Variants in MXRA7 observed in about 807,000 individuals in gnomAD.
MXRA7 encodes matrix-remodeling-associated protein 7.
Under a neutral mutation model 17.4 loss-of-function variants are expected in MXRA7, and 18 were observed. That is an observed-to-expected ratio of 1.03 (90% CI 0.71 to 1.53). The LOEUF (loss-of-function observed/expected upper bound fraction) is 1.53, where lower values mean the gene tolerates loss of function less well. MXRA7 is among the 40% of genes most tolerant of loss of function. The pLI, the probability that MXRA7 is intolerant of heterozygous loss-of-function variation, is 0.00. For missense variants in MXRA7, 141 were observed against 209.3 expected (o/e 0.67, Z 2.01); for synonymous variants, 70 against 101.7 (o/e 0.69, Z 1.87).
At chr17:76,710,448 T>C (rs984224400) in intron 1 of MXRA7, among the ~76,000 whole-genome samples, 157 bp downstream of exon 1, 13 of 152,244 alleles carry the variant, frequency 8.5e-5, no homozygotes, top group African/African-American at 3.1e-4. Flanking sequence ...CGGCTTAGCA[T>C]GGCGGGACCT....
intron 2 of MXRA7, 85 bp downstream of exon 2, chr17:76,688,028 A>C: frequency 5.3e-6 from 6 of 1,127,178 alleles, no homozygotes; most frequent in East Asian, 2.6e-5. Context: ...TCGGCACTCG[A>C]ACCCCAGCTC....
At chr17:76,687,645 G>A (rs1010411893) in intron 2 of MXRA7, among the ~76,000 whole-genome samples, 3 of 152,210 alleles carry the variant, frequency 2.0e-5, no homozygotes, top group Non-Finnish European at 2.9e-5. Context: ...TCAGTCTCAT[G>A]GCTGGGGCCT....
chr17:76,698,710 C>CTT (rs2076560600), intron 1 of MXRA7, among the ~76,000 whole-genome samples: 2 of 91,050 alleles, frequency 2.2e-5, no homozygotes, highest in African/African-American at 8.1e-5. Context: ...TCCTTCCTTT[C>CTT]TGTTTTTTTT....
At chr17:76,687,238 T>G (rs2076409491) in intron 2 of MXRA7, among the ~76,000 whole-genome samples, 1 of 152,222 alleles carries the variant, frequency 6.6e-6, no homozygotes, top group Admixed American at 6.5e-5. Context: ...CCCCTCCTGC[T>G]TCAGGCTGTG....
At chr17:76,701,202 G>A (rs1237732745) in intron 1 of MXRA7, among the ~76,000 whole-genome samples, 1 of 152,098 alleles carries the variant, frequency 6.6e-6, no homozygotes, top group East Asian at 1.9e-4. Context: ...AACAGCCACC[G>A]AAGCAGGAGC....
chr17:76,677,605 G>A (rs138467376), downstream of MXRA7: 316 of 1,611,624 alleles, frequency 2.0e-4, no homozygotes, highest in Middle Eastern at 5.0e-4. Flanking sequence ...TCGTAGAGCC[G>A]GAGCTGCTCC....
intron 2 of MXRA7, 76 bp downstream of exon 2, chr17:76,688,037 T>G: frequency 1.7e-6 from 2 of 1,153,710 alleles, no homozygotes; most frequent in Non-Finnish European, 2.5e-6. Flanking sequence ...GAACCCCAGC[T>G]CCTGTGATCC....
At chr17:76,693,807 C>T (rs2076503684) in intron 1 of MXRA7, among the ~76,000 whole-genome samples, 1 of 152,226 alleles carries the variant, frequency 6.6e-6, no homozygotes. Flanking sequence ...CACCACTACA[C>T]TCCAGCCTAG....
chr17:76,683,901 G>A (rs1415521552), intron 3 of MXRA7: 5 of 1,614,006 alleles, frequency 3.1e-6, no homozygotes, highest in Non-Finnish European at 4.2e-6. Flanking sequence ...TTGCTACAGG[G>A]AAGTGAGGTC....
intron 2 of MXRA7, 113 bp downstream of exon 2, chr17:76,688,000 C>CCCCCCCCAAA: frequency 1.4e-6 from 1 of 726,252 alleles, no homozygotes; most frequent in Non-Finnish European, 2.3e-6. Flanking sequence ...AGGCCACTGT[C>CCCCCCCCAAA]CCACCCCATC....
At chr17:76,700,816 A>T (rs2076581395) in intron 1 of MXRA7, among the ~76,000 whole-genome samples, 2 of 151,892 alleles carry the variant, frequency 1.3e-5, no homozygotes, top group Admixed American at 6.6e-5. Flanking sequence ...AGAGAGAGAG[A>T]GAGTGGGCGG....
chr17:76,682,840 G>A (rs533350719), intron 3 of MXRA7, among the ~76,000 whole-genome samples: 1 of 152,320 alleles, frequency 6.6e-6, no homozygotes, highest in South Asian at 2.1e-4. Context: ...ATGCAGAGGA[G>A]TCGAGGAGTC....
chr17:76,684,535 A>AG, intron 3 of MXRA7: 1 of 315,238 alleles, frequency 3.2e-6, no homozygotes, highest in Non-Finnish European at 6.3e-6. Context: ...GTGGCTGTGC[A>AG]GGGGGTGTCC....
chr17:76,701,538 C>T (rs1300215776), intron 1 of MXRA7, among the ~76,000 whole-genome samples: 4 of 151,932 alleles, frequency 2.6e-5, no homozygotes, highest in Admixed American at 6.6e-5. Context: ...GGGATGGGGG[C>T]GGCAGGTGTG....
chr17:76,706,012 A>C lies in MXRA7; in HGVS notation c.342+4593T>G, dbSNP rs562393884. Reference sequence around the variant, plus strand: ...AAGGCCCACACTGCCATCACAGAGGACCACACTGCCATCACGAAGGCCCAC... The same window carrying C: ...AAGGCCCACACTGCCATCACAGAGGCCCACACTGCCATCACGAAGGCCCAC... On this transcript the variant is annotated intron_variant, in intron 1 of 3. Coordinates refer to ENST00000449428, the MANE Select transcript of MXRA7 (RefSeq NM_198530.4). Among the ~76,000 whole-genome samples, 56 of 144,110 alleles carry C rather than the reference A, an allele frequency of 3.9e-4. No individual in the cohort carries two copies. In the East Asian group the frequency reaches 7.3e-3, roughly 19 times the overall value. 94.5% of individuals were successfully genotyped at this position (144,110 alleles called of 152,430 possible). A position where few individuals can be genotyped will look rare whatever the true frequency, so the allele number is the denominator to read the frequency against.
chr17:76,700,325 G>A (rs1187095501), intron 1 of MXRA7, among the ~76,000 whole-genome samples: 2 of 152,106 alleles, frequency 1.3e-5, no homozygotes, highest in African/African-American at 2.4e-5. Flanking sequence ...TGTGGCTTCC[G>A]CCTAAGGAAA....
At position 76,701,357 on chromosome 17, in the gene MXRA7, C is replaced by T. The variant is rs76937630; in HGVS notation, c.342+9248G>A. Among the ~76,000 whole-genome samples the T allele has an allele frequency of 1.5e-3, 221 of 150,956 alleles. 1 individual carries two copies. Among genetic ancestry groups the T allele is most frequent in the East Asian group, 2.0e-3 (10 of 5,012 alleles). ...GCTTTTGGTCTGAGCAGCTGAGCGT[C>T]GGGGGGGTGGATCCGGGATGAGATG... On this transcript the variant is annotated intron_variant, in intron 1 of 3. Coordinates refer to ENST00000449428, the MANE Select transcript of MXRA7 (RefSeq NM_198530.4).
At chr17:76,695,532 ATT>A (rs1461699427) in intron 1 of MXRA7, among the ~76,000 whole-genome samples, 1 of 152,098 alleles carries the variant, frequency 6.6e-6, no homozygotes, top group Non-Finnish European at 1.5e-5. Flanking sequence ...GCACAATCAA[ATT>A]TGCAGCTATG....
At chr17:76,693,366 G>A (rs1326031953) in intron 1 of MXRA7, among the ~76,000 whole-genome samples, 1 of 151,522 alleles carries the variant, frequency 6.6e-6, no homozygotes, top group African/African-American at 2.4e-5. Context: ...TTGGGAGGCT[G>A]AGGCAGGAGA....
Sources: gnomAD v4.1 joint callset for allele counts (sites outside exome capture counted in the v4.1 genomes callset) on GRCh38, gnomAD v4.1.1 for gene constraint, MANE v1.5 for transcripts, NCBI Gene and HGNC (gene_info 2026-07-23, HGNC 2026-07-21) for gene names.